The following KCNH8 variants were observed in gnomAD, a reference collection of about 807,000 sequenced individuals.
The protein encoded by KCNH8 is potassium voltage-gated channel subfamily H member 8.
In KCNH8, 70 loss-of-function variants were observed where a neutral mutation model predicts 103.6. The observed-to-expected ratio is 0.68, with a 90% CI of 0.56 to 0.82. The LOEUF is 0.82. Ranked by LOEUF, KCNH8 falls within the 40% of genes least tolerant of loss-of-function variation. The pLI is 0.00. For missense variants in KCNH8, 1,217 were observed against 1,329.9 expected (o/e 0.92, Z 1.32); for synonymous variants, 498 against 489.4 (o/e 1.02, Z -0.23).
chr3:19,356,118 G>A (rs1340658862), intron 5 of KCNH8, among the ~76,000 whole-genome samples: 1 of 151,824 alleles, frequency 6.6e-6, no homozygotes, highest in Non-Finnish European at 1.5e-5. Context: ...CCATACAAAA[G>A]TATAAGGCAA....
chr3:19,390,750 A>T, intron 6 of KCNH8, 112 bp downstream of exon 6: 1 of 1,025,474 alleles, frequency 9.8e-7, no homozygotes, highest in South Asian at 1.7e-5. Context: ...GCCTTCTTCA[A>T]TAAAGATGCC....
chr3:19,167,330 C>T (rs1012164684), intron 1 of KCNH8, among the ~76,000 whole-genome samples: 3 of 152,212 alleles, frequency 2.0e-5, no homozygotes, highest in South Asian at 2.1e-4. Flanking sequence ...GTTTTGCTAA[C>T]GTAGATGTGT....
At chr3:19,435,385 T>C (rs1195370433) in intron 7 of KCNH8, among the ~76,000 whole-genome samples, 1 of 152,168 alleles carries the variant, frequency 6.6e-6, no homozygotes, top group Non-Finnish European at 1.5e-5. Flanking sequence ...ATTAATGAAA[T>C]AACGAACCAA....
At chr3:19,440,199 TA>T (rs1361702232) in intron 8 of KCNH8, among the ~76,000 whole-genome samples, 1 of 152,128 alleles carries the variant, frequency 6.6e-6, no homozygotes, top group African/African-American at 2.4e-5. Context: ...CATAATTTTT[TA>T]AAAAAATTTT....
Position 19,162,364 on chromosome 3 carries a change from A to AAAG in KCNH8, c.76+13571_76+13572insGAA, listed in dbSNP as rs202169066. ...CCATCTGTAACTAAAAATACAAAAA[A>AAAG]AAAAAAAAAAAGTATCTGGGCATGG... is the stretch of plus-strand genomic sequence containing the variant. On this transcript the variant is annotated intron_variant, in intron 1 of 15. Transcript: ENST00000328405. 3.6e-3 allele frequency among the ~76,000 whole-genome samples: 544 copies of AAAG among 151,436 alleles called. 4 individuals carry two copies. The highest frequency in any genetic ancestry group is 0.013 in the African/African-American group (518 of 41,256).
intron 7 of KCNH8, among the ~76,000 whole-genome samples, chr3:19,426,249 G>T (rs2067027179): frequency 6.6e-6 from 1 of 152,016 alleles, no homozygotes; most frequent in Non-Finnish European, 1.5e-5. Context: ...TGCCACTTCT[G>T]GTACCTGGCC....
chr3:19,183,635 A>G (rs1404680217), intron 1 of KCNH8, among the ~76,000 whole-genome samples: 1 of 152,228 alleles, frequency 6.6e-6, no homozygotes, highest in East Asian at 1.9e-4. Context: ...TAATTGTAAA[A>G]GCATTTAACA....
At chr3:19,160,033 A>T (rs1559402190) in intron 1 of KCNH8, among the ~76,000 whole-genome samples, 1 of 152,172 alleles carries the variant, frequency 6.6e-6, no homozygotes, top group Non-Finnish European at 1.5e-5. Flanking sequence ...GAATTATTAA[A>T]TTCTCATTTC....
At chr3:19,502,210 T>G (rs891940021) in intron 11 of KCNH8, among the ~76,000 whole-genome samples, 6 of 151,140 alleles carry the variant, frequency 4.0e-5, no homozygotes, top group East Asian at 1.9e-4. Context: ...GAATCCAACT[T>G]ACAAGGGATG....
chr3:19,459,839 A>C (rs2067593425), intron 11 of KCNH8, among the ~76,000 whole-genome samples: 2 of 152,090 alleles, frequency 1.3e-5, no homozygotes, highest in Admixed American at 1.3e-4. Context: ...TCTTTGATAA[A>C]ATTTTCATGA....
Position 19,347,786 on chromosome 3 carries a change from A to C in KCNH8, c.632A>C (p.Lys211Thr), listed in dbSNP as rs1296504892. The change falls in exon 5 of 16, where the codon AAA becomes ACA. Residue 211 changes from lysine to threonine, a missense_variant. Lys to Thr is a moderately conservative substitution (Grantham distance 78, BLOSUM62 -1). Around this residue, in one of 3 missense-constraint regions of KCNH8, gnomAD observed 244 missense variants for 256.8 expected, o/e 0.95. Transcript: ENST00000328405. The stretch of plus-strand genomic sequence containing the variant: ...AAAGTTTCTGATGCAAAAAAGTCCA[A>C]ATTCATACTTCTGCATTTTAGCACT... The part of the protein sequence containing the change: ...EYKVSDAKKS[K>T]FILLHFSTFK... 3 of 1,613,232 alleles carry C rather than the reference A, an allele frequency of 1.9e-6. No individual in the cohort carries two copies. Among genetic ancestry groups the C allele is most frequent in the African/African-American group, 2.7e-5 (2 of 74,948 alleles).
intron 1 of KCNH8, among the ~76,000 whole-genome samples, chr3:19,160,252 A>T (rs2063220921): frequency 6.6e-6 from 1 of 152,160 alleles, no homozygotes; most frequent in Non-Finnish European, 1.5e-5. Context: ...TGCAGAAGGT[A>T]TCTTGGACAT....
chr3:19,404,786 CCTA>C (rs1326977471), intron 7 of KCNH8, among the ~76,000 whole-genome samples: 16 of 151,944 alleles, frequency 1.1e-4, no homozygotes, highest in South Asian at 6.2e-4. Flanking sequence ...TTTCTAAACA[CCTA>C]CTCAGTTTCC....
At chr3:19,500,246 T>A (rs1482215524) in intron 11 of KCNH8, among the ~76,000 whole-genome samples, 2 of 152,138 alleles carry the variant, frequency 1.3e-5, no homozygotes, top group African/African-American at 4.8e-5. Context: ...CTATCCTAAA[T>A]ATATATGCAC....
rs544315023 is a variant in KCNH8 at position 19,148,555 on chromosome 3, T to C, written c.-165T>C. ...CACAGCCGGGGCGGCTGGAACTCTC[T>C]CCCTTTCTCCCTCCATCCTTCCACT... On this transcript the variant is annotated 5_prime_UTR_variant, in exon 1 of 16. Transcript: ENST00000328405. 9.0e-6 allele frequency: 6 copies of C among 668,082 alleles called. No homozygotes were observed. The highest frequency in any genetic ancestry group is 1.6e-5 in the Non-Finnish European group (6 of 373,716). 41.4% of individuals were successfully genotyped at this position (668,082 alleles called of 1,614,324 possible).
At chr3:19,502,897 C>T (rs2068617101) in intron 11 of KCNH8, among the ~76,000 whole-genome samples, 2 of 151,978 alleles carry the variant, frequency 1.3e-5, no homozygotes, top group East Asian at 3.9e-4. Flanking sequence ...ACACCAAAAG[C>T]AATGGCAACA....
At chr3:19,344,673 A>T (rs1331969007) in intron 4 of KCNH8, among the ~76,000 whole-genome samples, 1 of 152,120 alleles carries the variant, frequency 6.6e-6, no homozygotes, top group Admixed American at 6.6e-5. Context: ...GGAAGGCAGA[A>T]GGGAGAAGAG....
intron 5 of KCNH8, among the ~76,000 whole-genome samples, chr3:19,356,780 C>T (rs1657953211): frequency 6.6e-6 from 1 of 151,832 alleles, no homozygotes. Context: ...AGGTTTTTTG[C>T]TTGAGTTTAC....
At chr3:19,365,319 T>C (rs1444669749) in intron 5 of KCNH8, among the ~76,000 whole-genome samples, 1 of 152,104 alleles carries the variant, frequency 6.6e-6, no homozygotes, top group Non-Finnish European at 1.5e-5. Context: ...TAAATCTTTC[T>C]GTGTGTTGTT....
Sources: allele counts gnomAD v4.1 joint callset (sites outside exome capture counted in the v4.1 genomes callset), GRCh38; gene constraint gnomAD v4.1.1; regional missense constraint gnomAD v4.1.1; transcripts MANE v1.5; gene names NCBI Gene and HGNC (gene_info 2026-07-23, HGNC 2026-07-21).